The following TUSC3 variants were observed in gnomAD, a reference collection of about 807,000 sequenced individuals.
The protein encoded by TUSC3 is dolichyl-diphosphooligosaccharide--protein glycosyltransferase subunit TUSC3.
Under a neutral mutation model 44.8 loss-of-function variants are expected in TUSC3, and 45 were observed. That is an observed-to-expected ratio of 1.00 (90% CI 0.79 to 1.29). TUSC3 has a LOEUF of 1.29. Ranked by LOEUF, TUSC3 falls within the 50% of genes most tolerant of loss-of-function variation. The pLI, the probability that TUSC3 is intolerant of heterozygous loss-of-function variation, is 0.00. For missense variants in TUSC3, 519 were observed against 437.9 expected (o/e 1.19, Z -1.65); for synonymous variants, 212 against 152.9 (o/e 1.39, Z -2.85).
At chr8:15,712,214 A>G (rs1563185243) in intron 6 of TUSC3, among the ~76,000 whole-genome samples, 1 of 151,998 alleles carries the variant, frequency 6.6e-6, no homozygotes, top group Non-Finnish European at 1.5e-5. Flanking sequence ...AAGATTATCT[A>G]ATTCATTCTT....
At chr8:15,745,445 T>C (rs1811373011) in intron 8 of TUSC3, among the ~76,000 whole-genome samples, 1 of 152,058 alleles carries the variant, frequency 6.6e-6, no homozygotes, top group Non-Finnish European at 1.5e-5. Context: ...AGCATTCCCT[T>C]TTCCCCACGA....
At chr8:15,790,635 A>C in the TUSC3 span, among the ~76,000 whole-genome samples, 1 of 152,112 alleles carries the variant, frequency 6.6e-6, no homozygotes, top group African/African-American at 2.4e-5. Context: ...AAGCCCTGCC[A>C]GTCTCCTACC....
intron 3 of TUSC3, among the ~76,000 whole-genome samples, chr8:15,657,297 TC>T (rs1438667152): frequency 6.6e-6 from 1 of 152,198 alleles, no homozygotes; most frequent in African/African-American, 2.4e-5. Flanking sequence ...TTTTTTGTCT[TC>T]TATTTTATTA....
chr8:15,808,625 G>T, the TUSC3 span, among the ~76,000 whole-genome samples: 1 of 152,172 alleles, frequency 6.6e-6, no homozygotes, highest in African/African-American at 2.4e-5. Context: ...GAAGACAGAA[G>T]CAGCCCAAGC....
chr8:15,777,068 A>G, the TUSC3 span, among the ~76,000 whole-genome samples: 7 of 152,168 alleles, frequency 4.6e-5, no homozygotes, highest in African/African-American at 1.7e-4. Context: ...AAGTCTTACA[A>G]GGTTCTTTTC....
At chr8:15,730,591 A>C in intron 6 of TUSC3, 75 bp from the exon 7 acceptor site, 6 of 1,422,048 alleles carry the variant, frequency 4.2e-6, no homozygotes, top group Non-Finnish European at 5.9e-6. Context: ...TCCATTGTTT[A>C]TCTTCATGAC....
chr8:15,835,311 T>G, the TUSC3 span, among the ~76,000 whole-genome samples: 2 of 152,188 alleles, frequency 1.3e-5, no homozygotes, highest in Non-Finnish European at 2.9e-5. Context: ...TAGCAATTAC[T>G]ATTTTAGAAT....
chr8:15,727,373 G>T (rs1156367076), intron 6 of TUSC3, among the ~76,000 whole-genome samples: 1 of 152,130 alleles, frequency 6.6e-6, no homozygotes, highest in Non-Finnish European at 1.5e-5. Flanking sequence ...TAGACAAAAT[G>T]TATTCTTGTA....
chr8:15,638,419 T>A (rs2129170669), intron 2 of TUSC3, among the ~76,000 whole-genome samples: 1 of 152,214 alleles, frequency 6.6e-6, no homozygotes, highest in East Asian at 1.9e-4. Flanking sequence ...AGGAACTCAG[T>A]AATTGTCGCG....
chr8:15,720,212 A>T (rs75181724), intron 6 of TUSC3, among the ~76,000 whole-genome samples: 8,171 of 148,300 alleles, frequency 0.055, 312 homozygotes, highest in East Asian at 0.13. Context: ...ACACACACAC[A>T]CACACACACA....
At chr8:15,704,447 T>G (rs1809533241) in intron 6 of TUSC3, among the ~76,000 whole-genome samples, 1 of 151,938 alleles carries the variant, frequency 6.6e-6, no homozygotes, top group Non-Finnish European at 1.5e-5. Flanking sequence ...ATCTAAGTGA[T>G]GTGGAAGCCA....
Position 15,593,907 on chromosome 8 carries a change from A to C in TUSC3, c.139-29173A>C, listed in dbSNP as rs949159319. On this transcript the variant is annotated intron_variant, in intron 1 of 10. Transcript: ENST00000503731. ...AGAATGTTAATTGTGAGGATCTGCT[A>C]TAAGCATTAATCTACTCTATAAAGT... Among the ~76,000 whole-genome samples the C allele has an allele frequency of 1.8e-4, 27 of 152,208 alleles. No homozygotes were observed. In the East Asian group the frequency reaches 5.2e-3, roughly 29 times the overall value.
chr8:15,550,509 T>C lies in TUSC3; in HGVS notation c.138+9941T>C, dbSNP rs17121649. On this transcript the variant is annotated intron_variant, in intron 1 of 10. Coordinates refer to ENST00000503731, the MANE Select transcript of TUSC3 (RefSeq NM_006765.4). The stretch of plus-strand genomic sequence containing the variant: ...CAAGGTTTCCTCATACCAGAGTTTG[T>C]GTTATTGTATTCTCATGCTCCATTA... 1.7e-3 allele frequency among the ~76,000 whole-genome samples: 263 copies of C among 151,734 alleles called. 2 individuals are homozygous for C. Among genetic ancestry groups the C allele is most frequent in the African/African-American group, 6.1e-3 (255 of 41,510 alleles).
At chr8:15,461,164 G>A (rs574136499) in intron 1 of TUSC3, among the ~76,000 whole-genome samples, 4 of 152,128 alleles carry the variant, frequency 2.6e-5, no homozygotes, top group Non-Finnish European at 5.9e-5. Context: ...CCGTGAGCAT[G>A]GGATGTGTTT....
chr8:15,572,061 C>G (rs191199988), intron 1 of TUSC3, among the ~76,000 whole-genome samples: 1 of 152,220 alleles, frequency 6.6e-6, no homozygotes, highest in African/African-American at 2.4e-5. Context: ...TTTAAGTCAC[C>G]AGCTGCATTA....
At chr8:15,810,103 G>A in the TUSC3 span, among the ~76,000 whole-genome samples, 1 of 152,208 alleles carries the variant, frequency 6.6e-6, no homozygotes, top group African/African-American at 2.4e-5. Context: ...CTCATAGTGT[G>A]TCCTTGGACC....
At chr8:15,436,480 G>T (rs550236177) in intron 1 of TUSC3, among the ~76,000 whole-genome samples, 3 of 152,276 alleles carry the variant, frequency 2.0e-5, no homozygotes, top group South Asian at 4.1e-4. Context: ...TTGATCTTCA[G>T]CATAACCTTG....
In TUSC3 at chr8:15,684,135, C is replaced by G. The variant is rs144213165; in HGVS notation, c.798+10299C>G. Reference sequence around the variant, plus strand: ...AGGCGGGGGCCATATATGACTGCCTCTCTGGTTTCTGAGATTTGGTGGTAA... The same window carrying G: ...AGGCGGGGGCCATATATGACTGCCTGTCTGGTTTCTGAGATTTGGTGGTAA... On this transcript the variant is annotated intron_variant, in intron 6 of 10. Transcript: ENST00000503731. Among the ~76,000 whole-genome samples, 715 of 152,130 alleles carry G rather than the reference C, an allele frequency of 4.7e-3. 8 individuals carry two copies. Among genetic ancestry groups the G allele is most frequent in the African/African-American group, 0.016 (675 of 41,476 alleles).
chr8:15,714,830 T>C (rs1479068066), intron 6 of TUSC3, among the ~76,000 whole-genome samples: 1 of 152,152 alleles, frequency 6.6e-6, no homozygotes, highest in Non-Finnish European at 1.5e-5. Flanking sequence ...TTCTGGTAGA[T>C]GTTAGTTTTA....
Sources: gnomAD v4.1 joint callset for allele counts (sites outside exome capture counted in the v4.1 genomes callset) on GRCh38, gnomAD v4.1.1 for gene constraint, MANE v1.5 for transcripts, NCBI Gene and HGNC (gene_info 2026-07-23, HGNC 2026-07-21) for gene names.